SMAP2: variants seen among roughly 807,000 people sequenced by gnomAD.
SMAP2 encodes the protein stromal membrane-associated protein 2.
SMAP2 carries 25 observed loss-of-function variants against 56.4 expected under a neutral mutation model. The observed-to-expected ratio is 0.44, with a 90% confidence interval of 0.32 to 0.62. The LOEUF (loss-of-function observed/expected upper bound fraction) is 0.62. Ranked by LOEUF, SMAP2 falls within the 20% of genes least tolerant of loss-of-function variation. The pLI is 0.04. For missense variants in SMAP2, 388 were observed against 545.6 expected (o/e 0.71, Z 2.88); for synonymous variants, 157 against 181.7 (o/e 0.86, Z 1.09).
Position 40,408,859 on chromosome 1 carries a change from G to C in SMAP2, c.323+121G>C. 1.4e-6 allele frequency: 1 copy of C among 737,158 alleles called. No homozygotes were observed. Among genetic ancestry groups the C allele is most frequent in the Non-Finnish European group, 2.3e-6 (1 of 428,812 alleles). 45.7% of individuals were successfully genotyped at this position (737,158 alleles called of 1,614,324 possible). A position where few individuals can be genotyped will look rare whatever the true frequency, so the allele number is the denominator to read the frequency against. ...TCTATGTGGATTAGTCAGTGTCCTT[G>C]CTTGTCCTCTGTCCTGCAATCAAGG... On this transcript the variant is annotated intron_variant, in intron 3 of 9. Transcript: ENST00000372718. This position sits in a 1 kb window ranked among gnomAD's most constrained non-coding sequence, Gnocchi z 4.3.
intron 1 of SMAP2, among the ~76,000 whole-genome samples, chr1:40,376,074 C>T (rs1644538760): frequency 6.6e-6 from 1 of 152,150 alleles, no homozygotes; most frequent in Non-Finnish European, 1.5e-5. Flanking sequence ...CCTCAGCCTC[C>T]CGAGTACCTG....
At chr1:40,394,044 C>G (rs1231755955) in intron 1 of SMAP2, among the ~76,000 whole-genome samples, 1 of 152,150 alleles carries the variant, frequency 6.6e-6, no homozygotes, top group African/African-American at 2.4e-5. Context: ...AGATTTTTAG[C>G]TGGCTCTCTT....
intron 1 of SMAP2, among the ~76,000 whole-genome samples, chr1:40,403,917 A>AGG (rs1352309203): frequency 6.6e-6 from 1 of 152,078 alleles, no homozygotes; most frequent in Admixed American, 6.6e-5. Context: ...TAAGCAACAT[A>AGG]GGGAGACCTT....
chr1:40,391,541 T>C (rs988250597), intron 1 of SMAP2, among the ~76,000 whole-genome samples: 2 of 152,140 alleles, frequency 1.3e-5, no homozygotes, highest in African/African-American at 4.8e-5. Flanking sequence ...GGCCCTGGGA[T>C]TGTGAGTTAT....
chr1:40,409,739 TTAA>T lies in SMAP2; in HGVS notation c.324-14_324-12del. 6.4e-7 allele frequency: 1 copy of T among 1,572,430 alleles called. No individual in the cohort carries two copies. The highest frequency in any genetic ancestry group is 8.8e-7 in the Non-Finnish European group (1 of 1,142,098). The stretch of plus-strand genomic sequence containing the variant: ...TTTGAGAGGCTTGTTGGATTCATCC[TTAA>T]TAAGCTTTTTGCAGAGCTGTTGAAG... On this transcript the variant is annotated splice_polypyrimidine_tract_variant and intron_variant, in intron 3 of 9. Coordinates refer to ENST00000372718, the MANE Select transcript of SMAP2 (RefSeq NM_022733.3).
intron 1 of SMAP2, chr1:40,403,566 T>C (rs1046449513): frequency 8.2e-6 from 5 of 612,656 alleles, no homozygotes; most frequent in Non-Finnish European, 8.2e-6. Flanking sequence ...ATATATTACA[T>C]ATATGAATGA....
rs779290660 is a variant in SMAP2, at chr1:40,416,932, G to A, written c.1000G>A (p.Ala334Thr). 1 of 1,614,074 alleles carries A rather than the reference G, an allele frequency of 6.2e-7. No individual in the cohort carries two copies. The highest frequency in any genetic ancestry group is 1.3e-5 in the African/African-American group (1 of 74,922). The change falls in exon 9 of 10, where the codon GCC becomes ACC. Residue 334 changes from alanine to threonine, a missense_variant. Transcript: ENST00000372718. Reference sequence around the variant, plus strand: ...AGCTTCTGGGATGGTTGCCCCCATGGCCATGCCTGCAGGCTATATGGGTGG... The same window carrying A: ...AGCTTCTGGGATGGTTGCCCCCATGACCATGCCTGCAGGCTATATGGGTGG... ...PGASGMVAPM[A>T]MPAGYMGGMQ...
At position 40,413,050 on chromosome 1, in the gene SMAP2, A is replaced by G; in HGVS notation, c.437A>G (p.Glu146Gly). ...EKDDKWKRGS[E>G]PVPEKKLEPV... ...GATGACAAGTGGAAAAGAGGGAGCG[A>G]ACCAGTTCCAGAAAAAAAATTGGAA... The change falls in exon 5 of 10, where the codon GAA (glutamate) becomes GGA (glycine). Residue 146 changes from glutamate to glycine, a missense_variant. Coordinates refer to ENST00000372718, the MANE Select transcript of SMAP2 (RefSeq NM_022733.3). The G allele has an allele frequency of 6.2e-7, 1 of 1,613,926 alleles. No homozygotes were observed. Among genetic ancestry groups the G allele is most frequent in the Non-Finnish European group, 8.5e-7 (1 of 1,179,914 alleles).
intron 1 of SMAP2, among the ~76,000 whole-genome samples, chr1:40,361,545 C>A (rs181428138): frequency 1.6e-4 from 24 of 152,070 alleles, no homozygotes; most frequent in African/African-American, 4.8e-4. Flanking sequence ...CAATTCCAGA[C>A]CTTAGCTCTT....
chr1:40,391,323 C>T (rs1185380155), intron 1 of SMAP2, among the ~76,000 whole-genome samples: 4 of 152,072 alleles, frequency 2.6e-5, no homozygotes, highest in South Asian at 4.1e-4. Flanking sequence ...AGATGAATGC[C>T]GACGCTTGAT....
chr1:40,351,606 C>T (rs988972171), intron 1 of SMAP2, among the ~76,000 whole-genome samples: 1 of 152,074 alleles, frequency 6.6e-6, no homozygotes, highest in East Asian at 1.9e-4. Flanking sequence ...CTGGGTCAAG[C>T]GATTCTCACG....
intron 2 of SMAP2, among the ~76,000 whole-genome samples, chr1:40,365,453 C>T (rs1644477608): frequency 6.6e-6 from 1 of 152,130 alleles, no homozygotes; most frequent in Non-Finnish European, 1.5e-5. Context: ...TTCTGAAATC[C>T]ATTAGATACA....
At chr1:40,359,942 C>T (rs889061054) in intron 1 of SMAP2, among the ~76,000 whole-genome samples, 7 of 150,644 alleles carry the variant, frequency 4.6e-5, no homozygotes, top group Non-Finnish European at 8.8e-5. Flanking sequence ...GTTTTAACTT[C>T]GTATTACAGA....
Position 40,386,816 on chromosome 1 carries a change from G to GA in SMAP2, c.103+12598dup, listed in dbSNP as rs1244328484. Among the ~76,000 whole-genome samples, 1 of 148,948 alleles carries GA rather than the reference G, an allele frequency of 6.7e-6. No individual in the cohort carries two copies. Among genetic ancestry groups the GA allele is most frequent in the Non-Finnish European group, 1.5e-5 (1 of 67,408 alleles). Reference sequence around the variant, plus strand: ...CACGATAAAAATCATTGGAAAGTATGAAAAATATAATGATGCTGAAGGTAT... The same window carrying GA: ...CACGATAAAAATCATTGGAAAGTATGAAAAAATATAATGATGCTGAAGGTAT... On this transcript the variant is annotated intron_variant, in intron 1 of 9. Coordinates refer to ENST00000372718, the MANE Select transcript of SMAP2 (RefSeq NM_022733.3). This position sits in a 1 kb window ranked among gnomAD's most constrained non-coding sequence, Gnocchi z 4.1.
At chr1:40,405,225 A>G (rs1323271522) in intron 1 of SMAP2, among the ~76,000 whole-genome samples, 1 of 152,226 alleles carries the variant, frequency 6.6e-6, no homozygotes, top group Non-Finnish European at 1.5e-5. Context: ...ACAATGGCTC[A>G]CACCTGTAAT....
chr1:40,415,458 T>A, intron 7 of SMAP2, 77 bp downstream of exon 7: 2 of 957,120 alleles, frequency 2.1e-6, no homozygotes, highest in Non-Finnish European at 3.4e-6. Flanking sequence ...TGGAACCACG[T>A]CATGCTTCCT....
At chr1:40,400,916 C>G (rs920679170) in intron 1 of SMAP2, among the ~76,000 whole-genome samples, 5 of 152,146 alleles carry the variant, frequency 3.3e-5, no homozygotes, top group Admixed American at 2.0e-4. Flanking sequence ...ATCCCCAGTA[C>G]TTAGCAGGCA....
intron 1 of SMAP2, among the ~76,000 whole-genome samples, chr1:40,378,982 T>TTTTCTTTTC (rs1491500176): frequency 1.9e-5 from 1 of 52,164 alleles, no homozygotes; most frequent in African/African-American, 5.2e-5. Context: ...TTTTCTTTTC[T>TTTTCTTTTC]TTTTTTTTTT....
At chr1:40,350,281 A>G (rs576093942) in intron 1 of SMAP2, among the ~76,000 whole-genome samples, 1 of 152,314 alleles carries the variant, frequency 6.6e-6, no homozygotes, top group South Asian at 2.1e-4. Context: ...AACAAACAGG[A>G]CATCCCCAAG....
Sources: allele counts gnomAD v4.1 joint callset (sites outside exome capture counted in the v4.1 genomes callset), GRCh38; gene constraint gnomAD v4.1.1; non-coding constraint Gnocchi (gnomAD v3.1); transcripts MANE v1.5; gene names NCBI Gene and HGNC (gene_info 2026-07-23, HGNC 2026-07-21).